The following ACAP3 variants were observed in gnomAD, a reference collection of about 807,000 sequenced individuals.
ACAP3 encodes ArfGAP with coiled-coil, ankyrin repeat and PH domains 3.
In ACAP3, 56 loss-of-function variants were observed where a neutral mutation model predicts 104.1. The observed-to-expected ratio is 0.54, with a 90% CI of 0.43 to 0.67. ACAP3 has a LOEUF of 0.67. Ranked by LOEUF, ACAP3 falls within the 30% of genes least tolerant of loss-of-function variation. The pLI is 0.00. For missense variants in ACAP3, 1,208 were observed against 1,174.9 expected (o/e 1.03, Z -0.41); for synonymous variants, 628 against 496.2 (o/e 1.27, Z -3.53).
chr1:1,302,087 G>T, intron 4 of ACAP3, 41 bp from the exon 5 acceptor site: 2 of 1,433,552 alleles, frequency 1.4e-6, no homozygotes, highest in Non-Finnish European at 1.9e-6. Flanking sequence ...GGTCTGTCCC[G>T]AAAGAGCCCC....
chr1:1,299,809 G>T (rs1641365246), intron 9 of ACAP3, 22 bp downstream of exon 9: 1 of 1,538,748 alleles, frequency 6.5e-7, no homozygotes, highest in Admixed American at 2.0e-5. Context: ...TGGTGTGCAG[G>T]GAGCCGGCTG....
rs1409054194 is a variant in ACAP3, at chr1:1,293,524, T to C, written c.*40A>G. On this transcript the variant is annotated 3_prime_UTR_variant, in exon 24 of 24. Transcript: ENST00000354700. ...CAGGGACTTCGGGGCATGCGGGGCG[T>C]CGGGCCGGGCGGGGTGGCAGCTGCC... 1.4e-6 allele frequency: 2 copies of C among 1,402,928 alleles called. No individual in the cohort carries two copies. The highest frequency in any genetic ancestry group is 1.8e-6 in the Non-Finnish European group (2 of 1,088,522). The allele number at this position is 1,402,928 out of a possible 1,614,324, so 86.9% of individuals were successfully genotyped here. A position where few individuals can be genotyped will look rare whatever the true frequency, so the allele number is the denominator to read the frequency against.
chr1:1,296,364 G>A (rs113414019), intron 15 of ACAP3, 61 bp downstream of exon 15: 2 of 1,542,888 alleles, frequency 1.3e-6, no homozygotes, highest in Admixed American at 2.0e-5. Flanking sequence ...TGGCCCTCAG[G>A]GGCCCACCTG....
In ACAP3 at chr1:1,294,796, G is replaced by A; in HGVS notation, c.1834C>T (p.Leu612Phe). The A allele has an allele frequency of 6.5e-7, 1 of 1,549,896 alleles. No individual in the cohort carries two copies. The highest frequency in any genetic ancestry group is 8.7e-7 in the Non-Finnish European group (1 of 1,146,732). Residue 612 changes from leucine to phenylalanine, a missense_variant, in exon 20 of 24, where the codon CTT (leucine) becomes TTT (phenylalanine). Transcript: ENST00000354700. Reference sequence around the variant, plus strand: ...GAGCTGCCATCCGAGCTGCCCCCAAGGCCACTGTCGCTACTCAGACCTGCA... The same window carrying A: ...GAGCTGCCATCCGAGCTGCCCCCAAAGCCACTGTCGCTACTCAGACCTGCA... ...GPRSLSSDSGLGGSSDGSSDV... is the reference protein window; with the variant it reads ...GPRSLSSDSGFGGSSDGSSDV...
chr1:1,307,929 A>C lies in ACAP3; in HGVS notation c.-114T>G. On this transcript the variant is annotated 5_prime_UTR_variant, in exon 1 of 24. Coordinates refer to ENST00000354700, the MANE Select transcript of ACAP3 (RefSeq NM_030649.3). ...CGCCTCGGCGCCCGCCCGCCCCGGAATGAGGCCGCCGCGCCGCGCCCCGCC... is the reference window on the plus strand; with the variant it reads ...CGCCTCGGCGCCCGCCCGCCCCGGACTGAGGCCGCCGCGCCGCGCCCCGCC... The C allele has an allele frequency of 1.1e-5, 5 of 472,644 alleles. No individual in the cohort carries two copies. The highest frequency in any genetic ancestry group is 8.4e-5 in the South Asian group (1 of 11,950). The allele number at this position is 472,644 out of a possible 1,614,324, so 29.3% of individuals were successfully genotyped here. A position where few individuals can be genotyped will look rare whatever the true frequency, so the allele number is the denominator to read the frequency against.
intron 4 of ACAP3, 55 bp downstream of exon 4, chr1:1,302,867 G>A (rs1641510607): frequency 8.3e-6 from 13 of 1,572,060 alleles, no homozygotes; most frequent in South Asian, 3.4e-5. Context: ...GTGAGCCAGC[G>A]CAGCTCGGTT....
Position 1,293,190 on chromosome 1 carries a change from G to C in ACAP3, c.*374C>G, listed in dbSNP as rs561599072. The C allele has an allele frequency of 2.5e-4, 40 of 162,930 alleles. 1 individual carries two copies. Among genetic ancestry groups the C allele is most frequent in the Middle Eastern group, 5.9e-3 (2 of 340 alleles). The allele number at this position is 162,930 out of a possible 1,614,324, so 10.1% of individuals were successfully genotyped here. On this transcript the variant is annotated 3_prime_UTR_variant, in exon 24 of 24. Coordinates refer to ENST00000354700, the MANE Select transcript of ACAP3 (RefSeq NM_030649.3). ...AGCCAGCTAACAGGTCAGTGTTCTG[G>C]GCAGAAGTGGGGCACGAAGTAACAC... is the stretch of plus-strand genomic sequence containing the variant.
In ACAP3 at chr1:1,303,987, G is replaced by C. The variant is rs962916642; in HGVS notation, c.105+99C>G. 2.4e-5 allele frequency: 33 copies of C among 1,393,422 alleles called. No individual in the cohort carries two copies. Among genetic ancestry groups the C allele is most frequent in the South Asian group, 2.1e-4 (17 of 79,722 alleles). 86.3% of individuals were successfully genotyped at this position (1,393,422 alleles called of 1,614,324 possible). ...AGCACCACACGCATGCTCCACATAT[G>C]GGGGGTGTAAGTGGCTTAGTAAGGC... On this transcript the variant is annotated intron_variant, in intron 2 of 23. Transcript: ENST00000354700. This position sits in a 1 kb window ranked among gnomAD's most constrained non-coding sequence, Gnocchi z 4.0.
In ACAP3 at chr1:1,303,050, C is replaced by G; in HGVS notation, c.226-75G>C. On this transcript the variant is annotated intron_variant, in intron 3 of 23. Coordinates refer to ENST00000354700, the MANE Select transcript of ACAP3 (RefSeq NM_030649.3). The surrounding 1 kb of genome is among the most constrained non-coding windows in gnomAD (Gnocchi z 4.0). ...GTCACCCAGCCACGCCCTCTGAGCC[C>G]CTGGGCGGTGCAGACACCGGCCTGC... 6.4e-7 allele frequency: 1 copy of G among 1,561,344 alleles called. No individual in the cohort carries two copies. Among genetic ancestry groups the G allele is most frequent in the Non-Finnish European group, 8.7e-7 (1 of 1,152,138 alleles).
At position 1,302,087 on chromosome 1, in the gene ACAP3, G is replaced by A. The variant is rs200919344; in HGVS notation, c.280-41C>T. ...GGCAGAGATCCTTGGGGTCTGTCCC[G>A]AAAGAGCCCCAGATGGAAGGCCCCA... On this transcript the variant is annotated intron_variant, in intron 4 of 23. Transcript: ENST00000354700. 29 of 1,433,552 alleles carry A rather than the reference G, an allele frequency of 2.0e-5. 1 individual carries two copies. The East Asian group carries it at 2.1e-4, about 10-fold the overall frequency. 88.8% of individuals were successfully genotyped at this position (1,433,552 alleles called of 1,614,324 possible). A position where few individuals can be genotyped will look rare whatever the true frequency, so the allele number is the denominator to read the frequency against.
intron 19 of ACAP3, 86 bp downstream of exon 19, chr1:1,295,361 G>A (rs1297181934): frequency 1.5e-6 from 2 of 1,301,652 alleles, no homozygotes; most frequent in South Asian, 1.2e-5. Context: ...TCCATTCCCT[G>A]GCAAGGGCCA....
At chr1:1,304,303 C>G (rs1220696820) in intron 1 of ACAP3, 160 bp from the exon 2 acceptor site, 2 of 876,764 alleles carry the variant, frequency 2.3e-6, no homozygotes, top group Non-Finnish European at 3.5e-6. Flanking sequence ...AGGACTGGGA[C>G]CAGGTTCAGT....
chr1:1,304,302 AC>A, intron 1 of ACAP3, 159 bp from the exon 2 acceptor site: 1 of 893,534 alleles, frequency 1.1e-6, no homozygotes, highest in Middle Eastern at 2.8e-4. Context: ...CAGGACTGGG[AC>A]CAGGTTCAGT....
In ACAP3 at chr1:1,296,024, C is replaced by T; in HGVS notation, c.1493G>A (p.Ser498Asn). ...CTGTACCCCACCTCACCGGGAGCTG[C>T]TGGCTGTGGGTTTCCTGCTGCCTGC... is the stretch of plus-strand genomic sequence containing the variant. ...EGAGSRKPTA[S>N]SSRQDKEAWI... is the part of the protein sequence containing the mutation. Residue 498 changes from serine (S) to asparagine (N), a missense_variant, in exon 17 of 24, where the codon AGC becomes AAC. Physicochemically the swap from Ser to Asn is conservative, Grantham distance 46. Transcript: ENST00000354700. 6.2e-7 allele frequency: 1 copy of T among 1,612,814 alleles called. No individual in the cohort carries two copies. Among genetic ancestry groups the T allele is most frequent in the Non-Finnish European group, 8.5e-7 (1 of 1,179,976 alleles).
chr1:1,307,366 T>C, intron 1 of ACAP3: 1 of 1,290,066 alleles, frequency 7.8e-7, no homozygotes, highest in Non-Finnish European at 1.0e-6. Context: ...TCCAGCTGCC[T>C]GTTCCCCACG....
At chr1:1,307,217 G>T (rs1255001223) in intron 1 of ACAP3, 2 of 1,286,988 alleles carry the variant, frequency 1.6e-6, no homozygotes, top group Non-Finnish European at 2.0e-6. Context: ...TGGAAAACAT[G>T]CAGACTCGGT....
In ACAP3 at chr1:1,299,914, G is replaced by T; in HGVS notation, c.664-9C>A. 2 of 1,587,514 alleles carry T rather than the reference G, an allele frequency of 1.3e-6. 1 individual carries two copies. Among genetic ancestry groups the T allele is most frequent in the East Asian group, 4.5e-5 (2 of 44,128 alleles). ...ATCACCAGCTGGTCCAGCTGTTGGG[G>T]GTGGCATTAGGGAAGGTCACGGAGG... On this transcript the variant is annotated splice_polypyrimidine_tract_variant and intron_variant, in intron 8 of 23. Transcript: ENST00000354700.
chr1:1,295,391 C>T, intron 19 of ACAP3, 56 bp downstream of exon 19: 2 of 1,534,786 alleles, frequency 1.3e-6, no homozygotes, highest in Non-Finnish European at 1.8e-6. Flanking sequence ...AGGCACCCTT[C>T]AGGCCAGCCT....
At position 1,302,031 on chromosome 1, in the gene ACAP3, C is replaced by A; in HGVS notation, c.295G>T (p.Ala99Ser). Residue 99 changes from alanine to serine, a missense_variant, in exon 5 of 24, where the codon GCC becomes TCC. Ala to Ser is a moderately conservative substitution (Grantham distance 99). Transcript: ENST00000354700. The part of the protein sequence containing the change: ...VNYHMILFDQ[A>S]QRSVRQQLQS... Reference sequence around the variant, plus strand: ...AGCTGCTGCCGCACGGACCTCTGGGCCTGGTCAAACAGGATCTGGGGGCAG... The same window carrying A: ...AGCTGCTGCCGCACGGACCTCTGGGACTGGTCAAACAGGATCTGGGGGCAG... 1.3e-6 allele frequency: 2 copies of A among 1,563,562 alleles called. No homozygotes were observed. The highest frequency in any genetic ancestry group is 1.7e-4 in the Middle Eastern group (1 of 5,866).
Sources: gnomAD v4.1 joint callset for allele counts on GRCh38, gnomAD v4.1.1 for gene constraint, Gnocchi (gnomAD v3.1) non-coding constraint, MANE v1.5 for transcripts, NCBI Gene and HGNC (gene_info 2026-07-23, HGNC 2026-07-21) for gene names.